ROBO2: variants seen among roughly 807,000 people sequenced by gnomAD.
ROBO2 encodes roundabout guidance receptor 2.
Under a neutral mutation model 160.8 loss-of-function variants are expected in ROBO2, and 53 were observed. The observed-to-expected ratio is 0.33, with a 90% CI of 0.26 to 0.41. ROBO2 has a LOEUF of 0.41. Ranked by LOEUF, ROBO2 falls within the 10% of genes least tolerant of loss-of-function variation. The pLI is 1.00. For missense variants in ROBO2, 1,577 were observed against 1,722.4 expected (o/e 0.92, Z 1.49); for synonymous variants, 664 against 611.7 (o/e 1.09, Z -1.26).
chr3:77,264,426 G>T (rs1344492152), intron 2 of ROBO2, among the ~76,000 whole-genome samples: 1 of 152,094 alleles, frequency 6.6e-6, no homozygotes, highest in Non-Finnish European at 1.5e-5. Flanking sequence ...TGAACATCTG[G>T]ATTTTTTTTC....
intron 2 of ROBO2, among the ~76,000 whole-genome samples, chr3:76,350,625 CTG>C (rs1365099355): frequency 6.6e-6 from 1 of 151,872 alleles, no homozygotes; most frequent in Non-Finnish European, 1.5e-5. Flanking sequence ...GACTTGGAGA[CTG>C]AGAGATACCA....
At chr3:76,806,393 C>A (rs1256928934) in intron 2 of ROBO2, among the ~76,000 whole-genome samples, 2 of 151,804 alleles carry the variant, frequency 1.3e-5, no homozygotes, top group African/African-American at 2.4e-5. Flanking sequence ...AATAAATGTT[C>A]TCTGAACAGT....
intron 2 of ROBO2, among the ~76,000 whole-genome samples, chr3:77,024,100 A>C (rs184536805): frequency 6.6e-6 from 1 of 152,332 alleles, no homozygotes; most frequent in East Asian, 1.9e-4. Context: ...CATAGAAGAA[A>C]CAGACACATC....
intron 7 of ROBO2, among the ~76,000 whole-genome samples, chr3:77,548,219 A>G (rs1430740483): frequency 1.3e-5 from 2 of 152,020 alleles, no homozygotes; most frequent in African/African-American, 2.4e-5. Flanking sequence ...TATAAATTGT[A>G]CAACTTTTGT....
intron 2 of ROBO2, among the ~76,000 whole-genome samples, chr3:77,465,729 G>T (rs1012104162): frequency 6.6e-6 from 1 of 152,216 alleles, no homozygotes; most frequent in Admixed American, 6.5e-5. Context: ...CTCTTCATGA[G>T]AACTCAGTAT....
chr3:76,318,445 A>G (rs550577246), intron 2 of ROBO2, among the ~76,000 whole-genome samples: 2 of 152,248 alleles, frequency 1.3e-5, no homozygotes, highest in South Asian at 4.1e-4. Context: ...CCCGTTTCCA[A>G]ATTACACACA....
chr3:76,557,396 G>C (rs1240913028), intron 2 of ROBO2, among the ~76,000 whole-genome samples: 4 of 151,806 alleles, frequency 2.6e-5, no homozygotes, highest in Non-Finnish European at 5.9e-5. Context: ...TCTCTGCAGA[G>C]CAAATTAGTA....
intron 2 of ROBO2, among the ~76,000 whole-genome samples, chr3:77,423,567 G>A (rs2077907372): frequency 6.6e-6 from 1 of 151,966 alleles, no homozygotes; most frequent in African/African-American, 2.4e-5. Flanking sequence ...TGTTCTTCCT[G>A]GTTTTTCTAC....
At chr3:75,951,063 G>A (rs1948514464) in intron 2 of ROBO2, among the ~76,000 whole-genome samples, 1 of 151,964 alleles carries the variant, frequency 6.6e-6, no homozygotes, top group Admixed American at 6.6e-5. Context: ...AAAAGCCATA[G>A]AAAGTTAACT....
intron 2 of ROBO2, among the ~76,000 whole-genome samples, chr3:77,469,933 G>A (rs2083184663): frequency 6.6e-6 from 1 of 152,144 alleles, no homozygotes; most frequent in Non-Finnish European, 1.5e-5. Context: ...ACCCAGTCCA[G>A]TTAAGTAGAT....
chr3:77,123,581 G>A (rs7618319), intron 2 of ROBO2, among the ~76,000 whole-genome samples: 2 of 151,748 alleles, frequency 1.3e-5, no homozygotes, highest in East Asian at 3.9e-4. Flanking sequence ...TTGACTGCTT[G>A]CACACTAATT....
Position 77,455,345 on chromosome 3 carries a change from A to G in ROBO2, c.389-22069A>G, listed in dbSNP as rs889061766. Among the ~76,000 whole-genome samples the G allele has an allele frequency of 3.9e-5, 6 of 152,350 alleles. No individual in the cohort carries two copies. The East Asian group carries it at 1.2e-3, about 29-fold the overall frequency. ...AAAGAATGTATGGAAACAAATATGG[A>G]AAAATTATGACACTAAAAATATAAT... On this transcript the variant is annotated intron_variant, in intron 2 of 25. Transcript: ENST00000461745.
At chr3:76,036,159 T>TG (rs1491312709) in intron 2 of ROBO2, among the ~76,000 whole-genome samples, 3 of 150,092 alleles carry the variant, frequency 2.0e-5, no homozygotes, top group Non-Finnish European at 4.4e-5. Flanking sequence ...ATTGGCTCAC[T>TG]TTTTTTTTGA....
intron 2 of ROBO2, among the ~76,000 whole-genome samples, chr3:76,733,579 C>T (rs917094800): frequency 6.6e-6 from 1 of 152,156 alleles, no homozygotes; most frequent in African/African-American, 2.4e-5. Context: ...GTTTTTATCA[C>T]CATTTTGCAG....
chr3:76,157,750 A>G (rs2072464053), intron 2 of ROBO2, among the ~76,000 whole-genome samples: 1 of 152,128 alleles, frequency 6.6e-6, no homozygotes, highest in South Asian at 2.1e-4. Flanking sequence ...TAATTTGTAA[A>G]TACTCTTTTC....
At chr3:77,273,892 C>T (rs1219072255) in intron 2 of ROBO2, among the ~76,000 whole-genome samples, 1 of 152,102 alleles carries the variant, frequency 6.6e-6, no homozygotes, top group South Asian at 2.1e-4. Context: ...CTTTTCTAAA[C>T]TTTATTAATT....
intron 9 of ROBO2, among the ~76,000 whole-genome samples, chr3:77,559,812 A>G (rs1559612940): frequency 6.6e-6 from 1 of 152,002 alleles, no homozygotes; most frequent in Non-Finnish European, 1.5e-5. Context: ...TATAATATTT[A>G]TCTTTAATTT....
intron 2 of ROBO2, among the ~76,000 whole-genome samples, chr3:76,834,583 G>A (rs570143057): frequency 2.0e-5 from 3 of 152,162 alleles, no homozygotes; most frequent in African/African-American, 7.2e-5. Flanking sequence ...TGTTGGCAAG[G>A]CTGGTCTCAA....
intron 2 of ROBO2, among the ~76,000 whole-genome samples, chr3:77,120,164 G>C (rs1376762675): frequency 6.6e-6 from 1 of 152,168 alleles, no homozygotes; most frequent in Non-Finnish European, 1.5e-5. Flanking sequence ...AATGTGTAGA[G>C]TAACAATTAT....
Sources: gnomAD v4.1 joint callset for allele counts (sites outside exome capture counted in the v4.1 genomes callset) on GRCh38, gnomAD v4.1.1 for gene constraint, MANE v1.5 for transcripts, NCBI Gene and HGNC (gene_info 2026-07-23, HGNC 2026-07-21) for gene names.